The following GCNT4 variants were observed in gnomAD, a reference collection of about 807,000 sequenced individuals.
GCNT4 encodes the protein beta-1,3-galactosyl-O-glycosyl-glycoprotein beta-1,6-N-acetylglucosaminyltransferase 4.
GCNT4 carries 17 observed loss-of-function variants against 31.3 expected under a neutral mutation model. The observed-to-expected ratio is 0.54, with a 90% CI of 0.37 to 0.81. The LOEUF (loss-of-function observed/expected upper bound fraction) is 0.81, where lower values mean the gene tolerates loss of function less well. Ranked by LOEUF, GCNT4 falls within the 40% of genes least tolerant of loss-of-function variation. The pLI is 0.00. For missense variants in GCNT4, 503 were observed against 525.5 expected, an observed-to-expected ratio of 0.96 and a Z score of 0.42; for synonymous variants, 158 against 190.6, an observed-to-expected ratio of 0.83 and a Z score of 1.41.
At chr5:75,031,772 T>C (rs1175297291) in intron 3 of GCNT4, among the ~76,000 whole-genome samples, 1 of 152,108 alleles carries the variant, frequency 6.6e-6, no homozygotes, top group Non-Finnish European at 1.5e-5. Flanking sequence ...AGGGTACAGA[T>C]GTACTTATAG....
At chr5:75,044,766 C>T (rs2149973324) in intron 3 of GCNT4, among the ~76,000 whole-genome samples, 1 of 152,242 alleles carries the variant, frequency 6.6e-6, no homozygotes, top group South Asian at 2.1e-4. Context: ...CAAAGGCCTC[C>T]ACGCTTCTCA....
At position 75,029,588 on chromosome 5, in the gene GCNT4, G is replaced by A. The variant is rs1323212750; in HGVS notation, c.450C>T (p.Ile150=). The change falls in exon 4 of 4, where the codon ATC becomes ATT. Residue 150 remains isoleucine, a synonymous_variant. Transcript: ENST00000652361. ...TATTGTGCTGGTTGTATATAGCATG[G>A]ATAAGCCTTTCAACCATAATTGCAT... ...HKDAIMVERL[I]HAIYNQHNIY... 2 of 1,614,148 alleles carry A rather than the reference G, an allele frequency of 1.2e-6. No homozygotes were observed. Among genetic ancestry groups the A allele is most frequent in the Admixed American group, 1.7e-5 (1 of 60,026 alleles).
At chr5:75,053,585 G>T (rs1277695487), upstream of GCNT4, among the ~76,000 whole-genome samples, 1 of 152,112 alleles carries the variant, frequency 6.6e-6, no homozygotes, top group Non-Finnish European at 1.5e-5. Context: ...GGGGCCGAGG[G>T]TTGCGCTCTG....
the GCNT4 span, among the ~76,000 whole-genome samples, chr5:75,018,153 A>G: frequency 6.6e-6 from 1 of 152,242 alleles, no homozygotes; most frequent in African/African-American, 2.4e-5. Flanking sequence ...CTCTTGAAGC[A>G]GACATCTCCC....
chr5:75,035,692 G>A (rs887126238), intron 3 of GCNT4, among the ~76,000 whole-genome samples: 14 of 152,148 alleles, frequency 9.2e-5, no homozygotes, highest in Non-Finnish European at 1.2e-4. Context: ...CAACGCTGGC[G>A]CTTTCTGACT....
chr5:75,023,299 G>T (rs1213202334), downstream of GCNT4, among the ~76,000 whole-genome samples: 2 of 152,178 alleles, frequency 1.3e-5, no homozygotes, highest in Non-Finnish European at 2.9e-5. Context: ...CAGAATAAAT[G>T]AATACAATTT....
At chr5:75,023,862 T>G (rs941168955), downstream of GCNT4, 1 of 152,216 alleles carries the variant, frequency 6.6e-6, no homozygotes, top group African/African-American at 2.4e-5. Flanking sequence ...TCCCTGAGAT[T>G]CTTTTCTGGC....
chr5:75,036,260 T>C (rs1188080902), intron 3 of GCNT4, among the ~76,000 whole-genome samples: 1 of 152,070 alleles, frequency 6.6e-6, no homozygotes, highest in Admixed American at 6.5e-5. Flanking sequence ...CAATCAAGAG[T>C]TGTCACTAGG....
In GCNT4 at chr5:75,029,007, C is replaced by T. The variant is rs766352504; in HGVS notation, c.1031G>A (p.Arg344Gln). ...PDEHFWATLI[R>Q]VPGIPGEISR... Reference sequence around the variant, plus strand: ...AATCTCCCCAGGTATTCCTGGAACCCGAATCAAGGTAGCCCAAAAGTGCTC... The same window carrying T: ...AATCTCCCCAGGTATTCCTGGAACCTGAATCAAGGTAGCCCAAAAGTGCTC... Residue 344 changes from arginine to glutamine, a missense_variant, in exon 4 of 4, where the codon CGG (arginine) becomes CAG (glutamine). Coordinates refer to ENST00000652361, the MANE Select transcript of GCNT4 (RefSeq NM_001366737.1). 1.4e-5 allele frequency: 22 copies of T among 1,613,878 alleles called. No homozygotes were observed. Among genetic ancestry groups the T allele is most frequent in the African/African-American group, 5.3e-5 (4 of 74,880 alleles).
upstream of GCNT4, among the ~76,000 whole-genome samples, chr5:75,053,944 C>T (rs1484949063): frequency 6.6e-6 from 1 of 152,182 alleles, no homozygotes; most frequent in Non-Finnish European, 1.5e-5. Context: ...ACGAAGCAAA[C>T]TCACATCCGC....
chr5:75,035,656 CT>C (rs1743179938), intron 3 of GCNT4, among the ~76,000 whole-genome samples: 1 of 152,208 alleles, frequency 6.6e-6, no homozygotes, highest in Non-Finnish European at 1.5e-5. Flanking sequence ...CGGGTGTGAC[CT>C]CCCAACCGGG....
At chr5:75,052,565 C>CA (rs968275318), upstream of GCNT4, 1 of 152,206 alleles carries the variant, frequency 6.6e-6, no homozygotes, top group Admixed American at 6.5e-5. Context: ...CTCTGCGGCA[C>CA]AAAAAACTTG....
intron 3 of GCNT4, among the ~76,000 whole-genome samples, chr5:75,033,641 G>T (rs558959792): frequency 6.6e-6 from 1 of 150,854 alleles, no homozygotes; most frequent in Non-Finnish European, 1.5e-5. Context: ...TGCTTACCAC[G>T]GCCAGAAATC....
At chr5:75,023,833 A>G (rs1742909735), downstream of GCNT4, 1 of 152,202 alleles carries the variant, frequency 6.6e-6, no homozygotes, top group South Asian at 2.1e-4. Context: ...AAATTTACCC[A>G]GGTTCCTGGC....
chr5:75,031,079 C>CT lies in GCNT4; in HGVS notation c.-1-1042dup, dbSNP rs573067505. On this transcript the variant is annotated intron_variant, in intron 3 of 3. Coordinates refer to ENST00000652361, the MANE Select transcript of GCNT4 (RefSeq NM_001366737.1). Reference sequence around the variant, plus strand: ...ACATACATTAGCAAACTTTTTCTCTCTTTTTTTTTTTTTGAGACAAGGTCT... The same window carrying CT: ...ACATACATTAGCAAACTTTTTCTCTCTTTTTTTTTTTTTTGAGACAAGGTCT... Among the ~76,000 whole-genome samples the CT allele has an allele frequency of 4.7e-3, 690 of 145,288 alleles. 4 individuals carry two copies. The highest frequency in any genetic ancestry group is 0.01 in the African/African-American group (415 of 39,730).
At chr5:75,051,980 G>A (rs1373319311) in intron 2 of GCNT4, among the ~76,000 whole-genome samples, 189 bp downstream of exon 2, 1 of 152,084 alleles carries the variant, frequency 6.6e-6, no homozygotes, top group African/African-American at 2.4e-5. Context: ...CTTAGAAAGT[G>A]CAACATAGGA....
chr5:75,049,561 A>C (rs1363657264), intron 2 of GCNT4, among the ~76,000 whole-genome samples: 1 of 152,242 alleles, frequency 6.6e-6, no homozygotes, highest in Non-Finnish European at 1.5e-5. Context: ...GGAAAATTAC[A>C]AGCATATGGG....
chr5:75,028,938 C>T lies in GCNT4; in HGVS notation c.1100G>A (p.Arg367His), dbSNP rs745887897. The T allele has an allele frequency of 9.9e-6, 16 of 1,613,742 alleles. No individual in the cohort carries two copies. Among genetic ancestry groups the T allele is most frequent in the Middle Eastern group, 1.6e-4 (1 of 6,084 alleles). The change falls in exon 4 of 4, where the codon CGC (arginine) becomes CAC (histidine). Residue 367 changes from arginine to histidine, a missense_variant. Arg to His is a conservative substitution (Grantham distance 29). Transcript: ENST00000652361. The stretch of plus-strand genomic sequence containing the variant: ...TTCATAGTAATTCCACTTGACAAGG[C>T]GAGTCTTACTCTGCAGATCAGACAC... ...QDVSDLQSKT[R>H]LVKWNYYEGF...
At chr5:75,053,786 T>G (rs184532401), upstream of GCNT4, among the ~76,000 whole-genome samples, 7 of 152,232 alleles carry the variant, frequency 4.6e-5, no homozygotes, top group African/African-American at 1.4e-4. Flanking sequence ...GGGCCGCGCT[T>G]CGGACAAAGT....
Sources: gnomAD v4.1 joint callset for allele counts (sites outside exome capture counted in the v4.1 genomes callset) on GRCh38, gnomAD v4.1.1 for gene constraint, MANE v1.5 for transcripts, NCBI Gene and HGNC (gene_info 2026-07-23, HGNC 2026-07-21) for gene names.